DPP6: variants seen among roughly 807,000 people sequenced by gnomAD.
The protein encoded by DPP6 is dipeptidyl peptidase like 6.
A neutral mutation model predicts 122.6 loss-of-function variants in DPP6; 69 were observed. The ratio of observed to expected loss-of-function variants is 0.56; its 90% CI spans 0.46 to 0.69. DPP6 has a LOEUF of 0.69. DPP6 is among the 30% of genes least tolerant of loss of function. DPP6 has a pLI of 0.00. For missense variants in DPP6, 928 were observed against 1,116.9 expected (o/e 0.83, Z 2.41); for synonymous variants, 418 against 433.1 (o/e 0.97, Z 0.43).
At chr7:154,873,329 C>A (rs912490357) in intron 19 of DPP6, among the ~76,000 whole-genome samples, 1 of 152,214 alleles carries the variant, frequency 6.6e-6, no homozygotes, top group African/African-American at 2.4e-5. Flanking sequence ...CGCGCTGACA[C>A]CGCACGGGGA....
intron 1 of DPP6, among the ~76,000 whole-genome samples, chr7:154,076,865 G>T (rs2109331): frequency 0.59 from 88,218 of 149,194 alleles, 26,256 homozygotes; most frequent in African/African-American, 0.66. Context: ...GGAATACAGC[G>T]CTTTGAAACA....
chr7:154,650,198 GC>G (rs1212810215), intron 6 of DPP6, among the ~76,000 whole-genome samples: 2 of 152,104 alleles, frequency 1.3e-5, no homozygotes, highest in Non-Finnish European at 2.9e-5. Context: ...GGTGGCACGT[GC>G]CTGTGATCCC....
At chr7:154,312,575 G>A (rs1215387769) in intron 1 of DPP6, among the ~76,000 whole-genome samples, 1 of 152,206 alleles carries the variant, frequency 6.6e-6, no homozygotes, top group East Asian at 1.9e-4. Flanking sequence ...TATTAATTTG[G>A]AACACAGGCT....
At chr7:153,776,053 A>G in the DPP6 span, among the ~76,000 whole-genome samples, 1 of 152,212 alleles carries the variant, frequency 6.6e-6, no homozygotes, top group Admixed American at 6.5e-5. Flanking sequence ...TGATTTTTAC[A>G]GATACTGACA....
intron 1 of DPP6, among the ~76,000 whole-genome samples, chr7:153,923,345 T>G (rs969933577): frequency 6.6e-6 from 1 of 152,234 alleles, no homozygotes; most frequent in Non-Finnish European, 1.5e-5. Flanking sequence ...TGCACGTATT[T>G]TCTATCCTGC....
chr7:154,030,114 C>A (rs1799154820), intron 1 of DPP6, among the ~76,000 whole-genome samples: 1 of 152,094 alleles, frequency 6.6e-6, no homozygotes, highest in Non-Finnish European at 1.5e-5. Flanking sequence ...GAGGATCACT[C>A]CAGCTCAAGA....
the DPP6 span, among the ~76,000 whole-genome samples, chr7:153,878,657 C>T: frequency 2.6e-5 from 4 of 152,066 alleles, no homozygotes; most frequent in African/African-American, 9.7e-5. Context: ...TCTTTTGAGA[C>T]ACCGCTTATC....
intron 1 of DPP6, among the ~76,000 whole-genome samples, chr7:154,421,309 C>T (rs10256883): frequency 0.046 from 6,177 of 133,794 alleles, 398 homozygotes; most frequent in African/African-American, 0.15. Flanking sequence ...ATTTGCATGT[C>T]AGTTTCTTTT....
At chr7:154,184,681 G>GGAA (rs1798266110) in intron 1 of DPP6, among the ~76,000 whole-genome samples, 1 of 148,002 alleles carries the variant, frequency 6.8e-6, no homozygotes, top group Non-Finnish European at 1.5e-5. Flanking sequence ...TTTAATTTCT[G>GGAA]GAAAAAAAAA....
intron 7 of DPP6, among the ~76,000 whole-genome samples, chr7:154,693,588 G>C (rs1480874776): frequency 1.3e-5 from 2 of 152,110 alleles, no homozygotes; most frequent in Non-Finnish European, 2.9e-5. Flanking sequence ...CCCCTGGCTG[G>C]TGCCACTCAC....
chr7:154,855,398 G>A (rs774178956), intron 17 of DPP6, among the ~76,000 whole-genome samples: 1 of 152,202 alleles, frequency 6.6e-6, no homozygotes, highest in African/African-American at 2.4e-5. Context: ...GAGGGACCCC[G>A]TGCTGAGAAG....
chr7:154,415,372 A>G (rs892298901), intron 1 of DPP6, among the ~76,000 whole-genome samples: 1 of 152,046 alleles, frequency 6.6e-6, no homozygotes, highest in Non-Finnish European at 1.5e-5. Flanking sequence ...AATATATTCA[A>G]TTCCTTCAAC....
chr7:154,185,247 G>A (rs1585578329), intron 1 of DPP6, among the ~76,000 whole-genome samples: 1 of 152,308 alleles, frequency 6.6e-6, no homozygotes, highest in East Asian at 1.9e-4. Context: ...CTAGCCTAAT[G>A]GCAGACAGCT....
intron 1 of DPP6, among the ~76,000 whole-genome samples, chr7:154,106,307 A>G (rs1280086392): frequency 8.1e-6 from 1 of 123,898 alleles, no homozygotes; most frequent in Non-Finnish European, 1.7e-5. Flanking sequence ...GAGGAACAGA[A>G]AGGCTAGGTC....
chr7:154,593,057 A>C (rs1832897644), intron 5 of DPP6, among the ~76,000 whole-genome samples: 1 of 152,170 alleles, frequency 6.6e-6, no homozygotes, highest in Admixed American at 6.5e-5. Flanking sequence ...GATGGGAAGG[A>C]ACACAGGCCA....
chr7:154,375,677 C>G (rs1159546260), intron 1 of DPP6, among the ~76,000 whole-genome samples: 3 of 152,168 alleles, frequency 2.0e-5, no homozygotes, highest in East Asian at 3.9e-4. Flanking sequence ...TCTGCAGGAA[C>G]AGAAGCTGCC....
At chr7:154,862,593 G>C (rs144632431) in intron 17 of DPP6, among the ~76,000 whole-genome samples, 2 of 152,332 alleles carry the variant, frequency 1.3e-5, no homozygotes, top group Non-Finnish European at 2.9e-5. Context: ...CGGGAGGAGA[G>C]CTGGGCTTCG....
chr7:153,814,589 T>A, the DPP6 span, among the ~76,000 whole-genome samples: 9 of 152,034 alleles, frequency 5.9e-5, no homozygotes, highest in East Asian at 1.7e-3. Context: ...AAAGAGGGAA[T>A]CCTCCCTAAT....
the DPP6 span, among the ~76,000 whole-genome samples, chr7:153,780,826 C>G: frequency 6.6e-6 from 1 of 152,108 alleles, no homozygotes; most frequent in East Asian, 1.9e-4. Context: ...TCTGGTCCTC[C>G]AAGTTCCCAT....
Sources: gnomAD v4.1 joint callset for allele counts (sites outside exome capture counted in the v4.1 genomes callset) on GRCh38, gnomAD v4.1.1 for gene constraint, MANE v1.5 for transcripts, NCBI Gene and HGNC (gene_info 2026-07-23, HGNC 2026-07-21) for gene names.